Variants in METTL15 observed in about 807,000 individuals in gnomAD.
METTL15 encodes the protein 12S rRNA N(4)-cytidine methyltransferase METTL15.
A neutral mutation model predicts 38.3 loss-of-function variants in METTL15; 34 were observed. The ratio of observed to expected loss-of-function variants is 0.89; its 90% CI spans 0.68 to 1.18. The LOEUF is 1.18. Among genes scored for constraint, METTL15 ranks in the 50% most tolerant of loss-of-function variants. The pLI is 0.00. For synonymous variants in METTL15, 162 were observed against 170.9 expected, an observed-to-expected ratio of 0.95 and a Z score of 0.41; for missense variants, 438 against 498.4, an observed-to-expected ratio of 0.88 and a Z score of 1.15.
intron 5 of METTL15, among the ~76,000 whole-genome samples, chr11:28,380,786 C>T (rs1490315929): frequency 6.6e-6 from 1 of 151,844 alleles, no homozygotes; most frequent in Non-Finnish European, 1.5e-5. Context: ...AATGTTCTCT[C>T]TCCTTCACAT....
chr11:28,330,560 C>T lies in METTL15; in HGVS notation c.943C>T (p.Arg315Cys), dbSNP rs748806950. ...TAQKFLRPGG[R>C]LVALSFHSLE... The stretch of plus-strand genomic sequence containing the variant: ...TCAGAAGTTTCTGAGACCTGGTGGT[C>T]GTCTTGTTGCCCTCTCCTTCCATTC... Residue 315 changes from arginine (R) to cysteine (C), a missense_variant, in exon 7 of 7, where the codon CGT becomes TGT. Physicochemically the swap from Arg to Cys is radical, Grantham distance 180. Coordinates refer to ENST00000407364, the MANE Select transcript of METTL15 (RefSeq NM_001113528.2). 3.4e-5 allele frequency: 52 copies of T among 1,551,578 alleles called. No individual in the cohort carries two copies. The highest frequency in any genetic ancestry group is 1.1e-4 in the South Asian group (9 of 84,040).
Position 28,296,943 on chromosome 11 carries a change from A to G in METTL15, c.778+12A>G. On this transcript the variant is annotated intron_variant, in intron 6 of 6. Transcript: ENST00000407364. The stretch of plus-strand genomic sequence containing the variant: ...CAGCATCGTTGCAGGTAGCCTCATT[A>G]ATTCTCAACAGTGTCTAAGAGAAAA... 6.2e-7 allele frequency: 1 copy of G among 1,613,198 alleles called. No homozygotes were observed. Among genetic ancestry groups the G allele is most frequent in the South Asian group, 1.1e-5 (1 of 91,062 alleles).
intron 5 of METTL15, among the ~76,000 whole-genome samples, chr11:28,423,533 G>C (rs532996530): frequency 1.1e-4 from 17 of 152,158 alleles, no homozygotes; most frequent in African/African-American, 3.9e-4. Context: ...AAAAAATAAT[G>C]AGACCCTATC....
chr11:28,128,139 G>A (rs1483390201), intron 3 of METTL15, among the ~76,000 whole-genome samples: 4 of 152,026 alleles, frequency 2.6e-5, no homozygotes, highest in Non-Finnish European at 5.9e-5. Context: ...TGCTCTGTGG[G>A]CATTTTCATA....
intron 6 of METTL15, among the ~76,000 whole-genome samples, chr11:28,492,016 C>G (rs1275673062): frequency 6.6e-6 from 1 of 152,086 alleles, no homozygotes; most frequent in Non-Finnish European, 1.5e-5. Context: ...AAGGTACAGG[C>G]CTTTAGGAGC....
At chr11:28,302,640 TC>T (rs1395050518) in intron 6 of METTL15, among the ~76,000 whole-genome samples, 1 of 152,174 alleles carries the variant, frequency 6.6e-6, no homozygotes, top group Admixed American at 6.6e-5. Flanking sequence ...GAACTGTAAG[TC>T]CAATTAAACC....
At chr11:28,481,052 T>G (rs554667960) in intron 6 of METTL15, among the ~76,000 whole-genome samples, 1 of 152,202 alleles carries the variant, frequency 6.6e-6, no homozygotes, top group East Asian at 1.9e-4. Flanking sequence ...AGAAATGTTA[T>G]GTTTTCATAA....
chr11:28,321,592 A>C (rs1408812053), intron 6 of METTL15, among the ~76,000 whole-genome samples: 3 of 152,146 alleles, frequency 2.0e-5, no homozygotes, highest in Admixed American at 2.0e-4. Context: ...CATTATGATA[A>C]ATTTTACACA....
At chr11:28,405,865 T>C (rs750202209) in intron 5 of METTL15, among the ~76,000 whole-genome samples, 1 of 152,182 alleles carries the variant, frequency 6.6e-6, no homozygotes, top group Non-Finnish European at 1.5e-5. Context: ...TATTCAATTA[T>C]GAAAACCATG....
intron 5 of METTL15, among the ~76,000 whole-genome samples, chr11:28,404,229 A>G (rs1337246007): frequency 6.6e-6 from 1 of 152,166 alleles, no homozygotes; most frequent in Admixed American, 6.6e-5. Flanking sequence ...AAATTGTTAC[A>G]CACAGTTCCG....
intron 6 of METTL15, among the ~76,000 whole-genome samples, chr11:28,453,522 T>C (rs572763863): frequency 6.6e-6 from 1 of 152,360 alleles, no homozygotes; most frequent in African/African-American, 2.4e-5. Flanking sequence ...ATAGCACTAA[T>C]CTGTAACTTT....
At chr11:28,239,110 G>C (rs1251870240) in intron 4 of METTL15, among the ~76,000 whole-genome samples, 1 of 151,760 alleles carries the variant, frequency 6.6e-6, no homozygotes, top group Non-Finnish European at 1.5e-5. Context: ...TTTCAGAGCT[G>C]TAAAAACTAT....
chr11:28,382,176 G>T (rs935640413), intron 5 of METTL15, among the ~76,000 whole-genome samples: 35 of 152,152 alleles, frequency 2.3e-4, no homozygotes, highest in African/African-American at 8.4e-4. Flanking sequence ...CATTCCAAAT[G>T]GTTGGCTAGG....
chr11:28,269,317 T>TA (rs1369594046), intron 4 of METTL15, among the ~76,000 whole-genome samples: 1 of 151,936 alleles, frequency 6.6e-6, no homozygotes, highest in African/African-American at 2.4e-5. Flanking sequence ...TATATATATA[T>TA]AAAAAACATG....
chr11:28,336,843 T>C (rs1324164378), downstream of METTL15, among the ~76,000 whole-genome samples: 1 of 152,222 alleles, frequency 6.6e-6, no homozygotes, highest in Non-Finnish European at 1.5e-5. Context: ...GTACTCCTTG[T>C]ACTTATTTTT....
intron 6 of METTL15, among the ~76,000 whole-genome samples, chr11:28,311,003 T>TGTGA (rs1245505037): frequency 1.7e-4 from 20 of 119,232 alleles, no homozygotes; most frequent in African/African-American, 3.8e-4. Flanking sequence ...TGTGTGTGTG[T>TGTGA]GAGAGAGAGA....
At chr11:28,392,002 G>A (rs570316326) in intron 5 of METTL15, among the ~76,000 whole-genome samples, 5 of 152,228 alleles carry the variant, frequency 3.3e-5, no homozygotes, top group South Asian at 4.1e-4. Flanking sequence ...CACAGCAAAA[G>A]AAACTACCAT....
intron 3 of METTL15, among the ~76,000 whole-genome samples, chr11:28,139,207 T>C (rs2133654802): frequency 6.6e-6 from 1 of 152,238 alleles, no homozygotes; most frequent in African/African-American, 2.4e-5. Context: ...TCCTGTGGTA[T>C]GGGGACACAA....
intron 4 of METTL15, among the ~76,000 whole-genome samples, chr11:28,234,586 G>C (rs1390588949): frequency 7.3e-5 from 11 of 151,598 alleles, no homozygotes; most frequent in African/African-American, 2.7e-4. Context: ...TGTGTCTTTT[G>C]GCTGCATAAA....
Sources: allele counts gnomAD v4.1 joint callset (sites outside exome capture counted in the v4.1 genomes callset), GRCh38; gene constraint gnomAD v4.1.1; transcripts MANE v1.5; gene names NCBI Gene and HGNC (gene_info 2026-07-23, HGNC 2026-07-21).